Variants in STK3 observed in about 807,000 individuals in gnomAD.
STK3 encodes serine/threonine kinase 3.
A neutral mutation model predicts 58.0 loss-of-function variants in STK3; 41 were observed. The ratio of observed to expected loss-of-function variants is 0.71; its 90% CI spans 0.55 to 0.92. The LOEUF is 0.92. STK3 is among the 40% of genes least tolerant of loss of function. STK3 has a pLI of 0.00. For synonymous variants in STK3, 170 were observed against 191.0 expected (o/e 0.89, Z 0.91); for missense variants, 479 against 602.7 (o/e 0.79, Z 2.15).
At chr8:98,767,423 G>T in intron 2 of STK3, 52 bp from the exon 3 acceptor site, 1 of 1,495,618 alleles carries the variant, frequency 6.7e-7, no homozygotes, top group East Asian at 2.4e-5. Context: ...GTAACTATAA[G>T]ATTAAAAGTC....
chr8:98,788,619 G>A (rs891650992), intron 1 of STK3, among the ~76,000 whole-genome samples: 2 of 151,980 alleles, frequency 1.3e-5, no homozygotes, highest in African/African-American at 4.8e-5. Context: ...AAGCGAGTAG[G>A]AATAGCTATT....
intron 6 of STK3, among the ~76,000 whole-genome samples, chr8:98,614,272 C>A (rs550995260): frequency 6.6e-6 from 1 of 152,252 alleles, no homozygotes; most frequent in Admixed American, 6.5e-5. Context: ...AGAACATATA[C>A]TGAGGCATAA....
intron 1 of STK3, among the ~76,000 whole-genome samples, chr8:98,818,473 G>T (rs1834687616): frequency 6.6e-6 from 1 of 152,040 alleles, no homozygotes; most frequent in Non-Finnish European, 1.5e-5. Flanking sequence ...ACAGAGAACA[G>T]GAGACTATGT....
At chr8:98,657,510 G>A (rs963690655) in intron 6 of STK3, among the ~76,000 whole-genome samples, 2 of 151,876 alleles carry the variant, frequency 1.3e-5, no homozygotes, top group Admixed American at 6.6e-5. Flanking sequence ...AATTCCTAGC[G>A]AAAAGAAAAG....
chr8:98,493,239 A>T (rs996307855), intron 10 of STK3, among the ~76,000 whole-genome samples: 1 of 151,998 alleles, frequency 6.6e-6, no homozygotes, highest in Non-Finnish European at 1.5e-5. Context: ...TCTCAAAAAA[A>T]AAAAAAAAAA....
intron 6 of STK3, among the ~76,000 whole-genome samples, chr8:98,680,216 G>C (rs1823531871): frequency 6.6e-6 from 1 of 152,138 alleles, no homozygotes; most frequent in East Asian, 1.9e-4. Context: ...ACAGAGCTAA[G>C]AGGGAAAGGC....
intron 10 of STK3, among the ~76,000 whole-genome samples, chr8:98,494,379 T>C (rs1431053755): frequency 3.3e-5 from 5 of 152,206 alleles, no homozygotes; most frequent in Non-Finnish European, 7.3e-5. Context: ...AACTTTGGTG[T>C]TCCTTATATA....
At chr8:98,907,529 C>CA (rs1335301849) in intron 1 of STK3, among the ~76,000 whole-genome samples, 2 of 152,006 alleles carry the variant, frequency 1.3e-5, no homozygotes, top group Non-Finnish European at 2.9e-5. Context: ...AACAAACAAA[C>CA]AAAAAAATAA....
chr8:98,446,191 A>G (rs1818941746), intron 1 of STK3, among the ~76,000 whole-genome samples: 1 of 152,112 alleles, frequency 6.6e-6, no homozygotes, highest in South Asian at 2.1e-4. Flanking sequence ...CAAATATCTC[A>G]TTAGTGAAGA....
intron 3 of STK3, among the ~76,000 whole-genome samples, chr8:98,866,355 T>C (rs1837146347): frequency 6.6e-6 from 1 of 152,212 alleles, no homozygotes; most frequent in African/African-American, 2.4e-5. Context: ...TCTCACCCTG[T>C]GACTGCTTAA....
At chr8:98,400,035 C>A (rs145671739), downstream of STK3, among the ~76,000 whole-genome samples, 50 of 152,310 alleles carry the variant, frequency 3.3e-4, no homozygotes, top group Admixed American at 6.5e-4. Context: ...CTGCTACCCA[C>A]GCATCAGATC....
In STK3 at chr8:98,428,322, A is replaced by C. The variant is rs1383383175; in HGVS notation, n.483+5805T>G. 6.2e-7 allele frequency: 1 copy of C among 1,614,102 alleles called. No individual in the cohort carries two copies. Among genetic ancestry groups the C allele is most frequent in the South Asian group, 1.1e-5 (1 of 91,074 alleles). ...GTACTGGGGCATCAACGAGTTCTTC[A>C]TTGACTCCTGCTGCAGCTACAGCTA... On this transcript the variant is annotated intron_variant and non_coding_transcript_variant, in intron 3 of 3. Coordinates refer to the STK3 transcript ENST00000517832. The surrounding 1 kb of genome is among the most constrained non-coding windows in gnomAD (Gnocchi z 6.7).
intron 4 of STK3, among the ~76,000 whole-genome samples, chr8:98,714,935 A>T (rs1356578764): frequency 2.0e-5 from 3 of 151,366 alleles, no homozygotes; most frequent in South Asian, 2.1e-4. Flanking sequence ...AAAACAGAGA[A>T]ACAGACCAAT....
chr8:98,893,361 C>T (rs1381973101), intron 1 of STK3, among the ~76,000 whole-genome samples: 1 of 147,434 alleles, frequency 6.8e-6, no homozygotes, highest in East Asian at 2.0e-4. Context: ...TGCACTTCAG[C>T]CTGGGTGACA....
chr8:98,634,106 G>A (rs1819454651), intron 6 of STK3, among the ~76,000 whole-genome samples: 1 of 152,166 alleles, frequency 6.6e-6, no homozygotes, highest in Non-Finnish European at 1.5e-5. Context: ...GATGGGAACT[G>A]GTGAATAATG....
At chr8:98,902,551 G>T (rs1838697290) in intron 1 of STK3, among the ~76,000 whole-genome samples, 2 of 152,108 alleles carry the variant, frequency 1.3e-5, no homozygotes, top group Admixed American at 1.3e-4. Flanking sequence ...CCATCCAGTT[G>T]ATCACAAATC....
intron 1 of STK3, among the ~76,000 whole-genome samples, chr8:98,822,977 G>A (rs772496122): frequency 3.3e-5 from 5 of 152,236 alleles, no homozygotes; most frequent in Admixed American, 2.0e-4. Flanking sequence ...GCAGTGAGCC[G>A]AGATTGTACC....
chr8:98,460,268 G>T lies in STK3; in HGVS notation c.1318-4268C>A, dbSNP rs546126432. 4.6e-5 allele frequency among the ~76,000 whole-genome samples: 7 copies of T among 152,342 alleles called. No homozygotes were observed. The South Asian group carries it at 1.2e-3, about 27-fold the overall frequency. ...TTAATGGCTACCCTGCTGGGTTTCA[G>T]ATTTGCATGGGGCCTTTAGCCCCTT... On this transcript the variant is annotated intron_variant, in intron 10 of 10. Transcript: ENST00000419617.
At position 98,614,677 on chromosome 8, in the gene STK3, C is replaced by T. The variant is rs140864673; in HGVS notation, c.685-18508G>A. ...GCAAGGGGTCAGGGAGTTCCCTTTC[C>T]GAGTCAAAGAAAGGGGTGATGGATG... On this transcript the variant is annotated intron_variant, in intron 6 of 10. Coordinates refer to ENST00000419617, the MANE Select transcript of STK3 (RefSeq NM_006281.4). Among the ~76,000 whole-genome samples, 326 of 152,286 alleles carry T rather than the reference C, an allele frequency of 2.1e-3. 1 individual carries two copies. Among genetic ancestry groups the T allele is most frequent in the African/African-American group, 7.7e-3 (318 of 41,568 alleles).
Sources: gnomAD v4.1 joint callset for allele counts (sites outside exome capture counted in the v4.1 genomes callset) on GRCh38, gnomAD v4.1.1 for gene constraint, Gnocchi (gnomAD v3.1) non-coding constraint, MANE v1.5 for transcripts, NCBI Gene and HGNC (gene_info 2026-07-23, HGNC 2026-07-21) for gene names.